Variants in ZNF611 observed in about 807,000 individuals in gnomAD.
ZNF611 encodes the protein zinc finger protein 611.
In ZNF611, 6 loss-of-function variants were observed where a neutral mutation model predicts 8.9. The observed-to-expected ratio is 0.68, with a 90% CI of 0.37 to 1.34. The LOEUF (loss-of-function observed/expected upper bound fraction) is 1.34. Ranked by LOEUF, ZNF611 falls within the 40% of genes most tolerant of loss-of-function variation. ZNF611 has a pLI of 0.02. For synonymous variants in ZNF611, 262 were observed against 279.7 expected (o/e 0.94, Z 0.63); for missense variants, 874 against 841.3 (o/e 1.04, Z -0.48).
intron 3 of ZNF611, among the ~76,000 whole-genome samples, chr19:52,725,255 G>A (rs1030276897): frequency 6.6e-6 from 1 of 152,128 alleles, no homozygotes; most frequent in Non-Finnish European, 1.5e-5. Flanking sequence ...AGCAGGGCCC[G>A]GCACGAGGAG....
At chr19:52,718,943 CG>C (rs1478775115) in intron 3 of ZNF611, among the ~76,000 whole-genome samples, 2 of 152,188 alleles carry the variant, frequency 1.3e-5, no homozygotes, top group East Asian at 3.9e-4. Flanking sequence ...GAGGCCAAGG[CG>C]GGTGGATCAC....
chr19:52,728,067 C>A (rs557572818), intron 3 of ZNF611, among the ~76,000 whole-genome samples: 1 of 151,962 alleles, frequency 6.6e-6, no homozygotes, highest in Non-Finnish European at 1.5e-5. Context: ...CCACCACACC[C>A]GGCTAATTTT....
intron 3 of ZNF611, among the ~76,000 whole-genome samples, chr19:52,723,251 A>AT (rs1419080248): frequency 9.6e-6 from 1 of 103,928 alleles, no homozygotes; most frequent in Non-Finnish European, 2.0e-5. Context: ...AACTTATTTA[A>AT]CCTTTTTTTT....
intron 1 of ZNF611, among the ~76,000 whole-genome samples, chr19:52,732,266 T>C (rs1313545798): frequency 1.3e-5 from 2 of 151,754 alleles, no homozygotes; most frequent in Non-Finnish European, 2.9e-5. Flanking sequence ...CAAAACTCCA[T>C]CTCAAAAAAG....
chr19:52,728,341 C>G (rs1214922497), intron 3 of ZNF611, among the ~76,000 whole-genome samples: 1 of 152,112 alleles, frequency 6.6e-6, no homozygotes, highest in East Asian at 1.9e-4. Context: ...AAGTTCAAGA[C>G]CAGCCTGGCC....
intron 1 of ZNF611, among the ~76,000 whole-genome samples, chr19:52,734,536 CGG>C (rs3029477): frequency 0.3 from 39,274 of 129,432 alleles, 6,006 homozygotes; most frequent in Middle Eastern, 0.39. Context: ...AGGTGCGGGG[CGG>C]GGGGGGGGGG....
At position 52,705,895 on chromosome 19, in the gene ZNF611, G is replaced by A. The variant is rs1378984884; in HGVS notation, c.1160C>T (p.Thr387Ile). Residue 387 changes from threonine to isoleucine, a missense_variant, in exon 6 of 6, where the codon ACA becomes ATA. Coordinates refer to ENST00000652185, the MANE Select transcript of ZNF611 (RefSeq NM_001161499.2). The stretch of plus-strand genomic sequence containing the variant: ...CTCTCCAGTATGAATTCTCTTATGT[G>A]TCTCAATGGTTGATTTCCGACTGAA... ...KVFSRKSTIE[T>I]HKRIHTGEKP... is the part of the protein sequence containing the mutation. 1.9e-6 allele frequency: 3 copies of A among 1,613,978 alleles called. No homozygotes were observed. The highest frequency in any genetic ancestry group is 1.7e-6 in the Non-Finnish European group (2 of 1,180,024).
At chr19:52,724,990 G>A (rs115209252) in intron 3 of ZNF611, among the ~76,000 whole-genome samples, 3 of 151,818 alleles carry the variant, frequency 2.0e-5, no homozygotes, top group African/African-American at 7.3e-5. Flanking sequence ...CATCTGTTAC[G>A]GGCCTTTCTC....
chr19:52,732,086 C>T (rs546453477), intron 1 of ZNF611, among the ~76,000 whole-genome samples: 4 of 151,978 alleles, frequency 2.6e-5, no homozygotes, highest in East Asian at 2.0e-4. Context: ...CTGGCTAACA[C>T]GGTGAAATCC....
intron 3 of ZNF611, among the ~76,000 whole-genome samples, chr19:52,719,199 C>A (rs79152055): frequency 6.6e-6 from 1 of 151,882 alleles, no homozygotes; most frequent in Non-Finnish European, 1.5e-5. Flanking sequence ...TAAAAACACA[C>A]AAAAAAACCA....
intron 3 of ZNF611, among the ~76,000 whole-genome samples, chr19:52,720,051 T>C (rs2062344351): frequency 1.2e-5 from 1 of 83,412 alleles, no homozygotes; most frequent in South Asian, 3.0e-4. Context: ...TAACCCTGAG[T>C]TGACACAGCA....
In ZNF611 at chr19:52,705,516, A is replaced by G. The variant is rs1267164933; in HGVS notation, c.1539T>C (p.Asp513=). 6.2e-7 allele frequency: 1 copy of G among 1,613,594 alleles called. No homozygotes were observed. Among genetic ancestry groups the G allele is most frequent in the Admixed American group, 1.7e-5 (1 of 59,964 alleles). The change falls in exon 6 of 6, where the codon GAT becomes GAC. Residue 513 remains aspartate, a synonymous_variant. Transcript: ENST00000652185. ...IHTGEQPYKC[D]ECEKVFSRKS... is the part of the protein sequence containing the mutation. ...TACGACTGAAAACCTTTTCACATTCATCACATTTGTAAGGTTGCTCCCCAG... is the reference window on the plus strand; with the variant it reads ...TACGACTGAAAACCTTTTCACATTCGTCACATTTGTAAGGTTGCTCCCCAG...
Position 52,705,789 on chromosome 19 carries a change from T to C in ZNF611, c.1266A>G (p.Ala422=). ...ACTCATTACATTTATAAGTTTTCTT[T>C]GCAGTATGAATTCTTCTATGTCGAG... is the stretch of plus-strand genomic sequence containing the variant. ...QLARHRRIHT[A]KKTYKCNECG... The change falls in exon 6 of 6, where the codon GCA becomes GCG. Residue 422 remains alanine, a synonymous_variant. Transcript: ENST00000652185. 1.2e-6 allele frequency: 2 copies of C among 1,613,658 alleles called. No individual in the cohort carries two copies. The highest frequency in any genetic ancestry group is 1.7e-6 in the Non-Finnish European group (2 of 1,179,886).
intron 3 of ZNF611, chr19:52,717,623 G>A (rs1171717347): frequency 1.1e-6 from 1 of 928,422 alleles, no homozygotes; most frequent in Non-Finnish European, 1.3e-6. Context: ...CTGAGCAAAT[G>A]CTTTTCTCAT....
intron 3 of ZNF611, among the ~76,000 whole-genome samples, chr19:52,720,742 G>A (rs1409676795): frequency 2.6e-5 from 4 of 151,028 alleles, no homozygotes; most frequent in Middle Eastern, 3.5e-3. Flanking sequence ...CATCCCAGAC[G>A]GGGTGGCCAG....
chr19:52,709,385 G>A (rs1224080608), intron 5 of ZNF611, among the ~76,000 whole-genome samples: 2 of 152,130 alleles, frequency 1.3e-5, no homozygotes, highest in Non-Finnish European at 2.9e-5. Flanking sequence ...CGATTCTCCT[G>A]CCTCAGCCTT....
intron 3 of ZNF611, among the ~76,000 whole-genome samples, chr19:52,726,320 A>G (rs1600331702): frequency 6.6e-6 from 1 of 151,982 alleles, no homozygotes; most frequent in Non-Finnish European, 1.5e-5. Flanking sequence ...GAATCGCTGA[A>G]CCTGGGGGTC....
chr19:52,707,968 T>C (rs1186989875), intron 5 of ZNF611, among the ~76,000 whole-genome samples: 1 of 152,164 alleles, frequency 6.6e-6, no homozygotes, highest in East Asian at 1.9e-4. Flanking sequence ...ATGTCAGTTA[T>C]ATTGCATACC....
chr19:52,707,111 A>G (rs1476919232), intron 5 of ZNF611, among the ~76,000 whole-genome samples: 1 of 152,202 alleles, frequency 6.6e-6, no homozygotes, highest in African/African-American at 2.4e-5. Context: ...AAACATGTGT[A>G]AGCCTAAAGT....
Sources: allele counts gnomAD v4.1 joint callset (sites outside exome capture counted in the v4.1 genomes callset), GRCh38; gene constraint gnomAD v4.1.1; transcripts MANE v1.5; gene names NCBI Gene and HGNC (gene_info 2026-07-23, HGNC 2026-07-21).